The following B3GAT2 variants were observed in gnomAD, a reference collection of about 807,000 sequenced individuals.
B3GAT2 encodes the protein beta-1,3-glucuronyltransferase 2.
A neutral mutation model predicts 27.8 loss-of-function variants in B3GAT2; 26 were observed. The observed-to-expected ratio is 0.93, with a 90% CI of 0.68 to 1.30. The LOEUF is 1.30. Ranked by LOEUF, B3GAT2 falls within the 50% of genes most tolerant of loss-of-function variation. The pLI is 0.00. For missense variants in B3GAT2, 458 were observed against 459.0 expected (o/e 1.00, Z 0.02); for synonymous variants, 218 against 195.1 (o/e 1.12, Z -0.98).
At chr6:70,932,496 A>G (rs1282170931) in intron 1 of B3GAT2, among the ~76,000 whole-genome samples, 2 of 152,206 alleles carry the variant, frequency 1.3e-5, no homozygotes, top group African/African-American at 2.4e-5. Flanking sequence ...ACATGCTACA[A>G]TGTGGATGAA....
At chr6:70,886,204 T>A (rs1772182779) in intron 2 of B3GAT2, among the ~76,000 whole-genome samples, 2 of 152,262 alleles carry the variant, frequency 1.3e-5, no homozygotes, top group South Asian at 4.1e-4. Flanking sequence ...TTGGAGACCA[T>A]CTCTGTAGAC....
chr6:70,898,313 C>G (rs1772428196), intron 1 of B3GAT2, among the ~76,000 whole-genome samples: 1 of 152,048 alleles, frequency 6.6e-6, no homozygotes, highest in South Asian at 2.1e-4. Flanking sequence ...ACATTTAATG[C>G]TTTTGTATCC....
chr6:70,926,089 T>A (rs1010756839), intron 1 of B3GAT2, among the ~76,000 whole-genome samples: 10 of 152,128 alleles, frequency 6.6e-5, no homozygotes, highest in Non-Finnish European at 1.2e-4. Context: ...GTCCTGAATG[T>A]TAGAAGGAAA....
At chr6:70,938,555 G>C (rs1281910253) in intron 1 of B3GAT2, among the ~76,000 whole-genome samples, 86 of 150,540 alleles carry the variant, frequency 5.7e-4, no homozygotes, top group African/African-American at 1.9e-3. Context: ...CCAAAACAGA[G>C]ATATAGATCA....
rs529727064 is a variant in B3GAT2, at chr6:70,948,090, A to C, written c.591+7749T>G. 2.6e-5 allele frequency among the ~76,000 whole-genome samples: 4 copies of C among 151,086 alleles called. No homozygotes were observed. In the South Asian group the frequency reaches 8.5e-4, roughly 32 times the overall value. On this transcript the variant is annotated intron_variant, in intron 1 of 3. Coordinates refer to ENST00000230053, the MANE Select transcript of B3GAT2 (RefSeq NM_080742.3). ...TTGATGGGACGTATCTCAAAATAAT[A>C]AGAGCTATCTATGACAAGCCCACAG...
intron 1 of B3GAT2, among the ~76,000 whole-genome samples, chr6:70,913,586 G>A (rs1398915014): frequency 1.3e-5 from 2 of 152,132 alleles, no homozygotes; most frequent in East Asian, 1.9e-4. Flanking sequence ...TGATTCTTGT[G>A]TTTTTAATTT....
chr6:70,933,858 TAG>T (rs1773099347), intron 1 of B3GAT2, among the ~76,000 whole-genome samples: 1 of 152,130 alleles, frequency 6.6e-6, no homozygotes, highest in Non-Finnish European at 1.5e-5. Context: ...GACGTACAAA[TAG>T]AGAGTGAAGT....
intron 1 of B3GAT2, among the ~76,000 whole-genome samples, chr6:70,903,832 T>C (rs1470509123): frequency 6.6e-6 from 1 of 151,994 alleles, no homozygotes; most frequent in Non-Finnish European, 1.5e-5. Context: ...GAAAAAAAAT[T>C]GGTAGTTTCC....
In B3GAT2 at chr6:70,861,341, G is replaced by A. The variant is rs940997459; in HGVS notation, c.*322C>T. 17 of 235,182 alleles carry A rather than the reference G, an allele frequency of 7.2e-5. No individual in the cohort carries two copies. The highest frequency in any genetic ancestry group is 4.2e-5 in the Non-Finnish European group (5 of 119,158). 14.6% of individuals were successfully genotyped at this position (235,182 alleles called of 1,614,324 possible). ...CTGTTCAAGTCTACCAATTATAAGG[G>A]CAAATTGGAGAAAAAGAAAAAATAT... On this transcript the variant is annotated 3_prime_UTR_variant, in exon 4 of 4. Coordinates refer to ENST00000230053, the MANE Select transcript of B3GAT2 (RefSeq NM_080742.3).
Position 70,861,859 on chromosome 6 carries a change from GT to G in B3GAT2, c.855del (p.Glu285AspfsTer24). Reference protein sequence around the residue: ...DFLKQITTVEELEPKANNCTK... With the variant: ...DFLKQITTVEXLEPKANNCTK... Reference sequence around the variant, plus strand: ...GTGCAGTTATTTGCTTTCGGTTCCAGTTCTTCGACTGTTGTTATCTGTTTGA... The same window carrying G: ...GTGCAGTTATTTGCTTTCGGTTCCAGTCTTCGACTGTTGTTATCTGTTTGA... On this transcript the variant is annotated frameshift_variant, in exon 3 of 4. Coordinates refer to ENST00000230053, the MANE Select transcript of B3GAT2 (RefSeq NM_080742.3). LOFTEE classifies it high-confidence loss of function. The G allele has an allele frequency of 1.2e-6, 2 of 1,614,102 alleles. No homozygotes were observed. The highest frequency in any genetic ancestry group is 1.7e-6 in the Non-Finnish European group (2 of 1,179,978).
intron 1 of B3GAT2, among the ~76,000 whole-genome samples, chr6:70,942,447 G>T (rs1363347934): frequency 6.6e-6 from 1 of 152,010 alleles, no homozygotes; most frequent in African/African-American, 2.4e-5. Flanking sequence ...CTCTCTGGAG[G>T]GCTCCTTCAT....
intron 1 of B3GAT2, 107 bp from the exon 2 acceptor site, chr6:70,894,379 C>G (rs1772344242): frequency 1.6e-6 from 2 of 1,260,948 alleles, no homozygotes; most frequent in Non-Finnish European, 1.1e-6. Context: ...TGTAAGATTT[C>G]AAAAGCTGAA....
chr6:70,906,900 A>G (rs181706816), intron 1 of B3GAT2, among the ~76,000 whole-genome samples: 1 of 152,322 alleles, frequency 6.6e-6, no homozygotes, highest in Admixed American at 6.5e-5. Flanking sequence ...AAAATCAATG[A>G]CAATCCTATA....
At chr6:70,938,776 G>C (rs1470002263) in intron 1 of B3GAT2, among the ~76,000 whole-genome samples, 7 of 151,806 alleles carry the variant, frequency 4.6e-5, no homozygotes, top group Non-Finnish European at 1.0e-4. Flanking sequence ...TTAAACGTTA[G>C]ACCTAAAACC....
chr6:70,882,284 G>A (rs1194747243), intron 2 of B3GAT2, among the ~76,000 whole-genome samples: 4 of 152,080 alleles, frequency 2.6e-5, no homozygotes, highest in South Asian at 2.1e-4. Context: ...GGCAGATCAC[G>A]AGGTCAGGAG....
At chr6:70,938,860 C>T (rs1765339886) in intron 1 of B3GAT2, among the ~76,000 whole-genome samples, 1 of 151,862 alleles carries the variant, frequency 6.6e-6, no homozygotes, top group Non-Finnish European at 1.5e-5. Context: ...ATGTCTAAAA[C>T]ACCAAAAGCA....
intron 1 of B3GAT2, among the ~76,000 whole-genome samples, chr6:70,906,777 C>T (rs1772608990): frequency 6.6e-6 from 1 of 152,172 alleles, no homozygotes; most frequent in Admixed American, 6.5e-5. Context: ...ACTTAAGATC[C>T]TTCCACCTCT....
intron 1 of B3GAT2, among the ~76,000 whole-genome samples, chr6:70,907,973 C>T (rs564238757): frequency 6.6e-6 from 1 of 152,166 alleles, no homozygotes; most frequent in African/African-American, 2.4e-5. Context: ...CCAAAAGCTT[C>T]CTATTTGGCA....
In B3GAT2 at chr6:70,859,378, A is replaced by C. The variant is rs1220810738; in HGVS notation, c.*2285T>G. Reference sequence around the variant, plus strand: ...CTCCAGCACTCCATCAGTGCAATCTACTGGCCAATGACAAGGTGGTTAAAA... The same window carrying C: ...CTCCAGCACTCCATCAGTGCAATCTCCTGGCCAATGACAAGGTGGTTAAAA... On this transcript the variant is annotated 3_prime_UTR_variant, in exon 4 of 4. Transcript: ENST00000230053. 1.3e-6 allele frequency: 2 copies of C among 1,549,492 alleles called. No homozygotes were observed. Among genetic ancestry groups the C allele is most frequent in the Non-Finnish European group, 8.7e-7 (1 of 1,146,498 alleles).
Sources: allele counts gnomAD v4.1 joint callset (sites outside exome capture counted in the v4.1 genomes callset), GRCh38; gene constraint gnomAD v4.1.1; transcripts MANE v1.5; gene names NCBI Gene and HGNC (gene_info 2026-07-23, HGNC 2026-07-21).